TMEM178B: variants seen among roughly 807,000 people sequenced by gnomAD.
The protein encoded by TMEM178B is transmembrane protein 178B.
Under a neutral mutation model 31.0 loss-of-function variants are expected in TMEM178B, and 5 were observed. That is an observed-to-expected ratio of 0.16 (90% CI 0.08 to 0.34). The LOEUF (loss-of-function observed/expected upper bound fraction) is 0.34. Among genes scored for constraint, TMEM178B ranks in the 10% least tolerant of loss-of-function variants. TMEM178B has a pLI of 1.00. For synonymous variants in TMEM178B, 164 were observed against 164.0 expected (o/e 1.00, Z 0.00); for missense variants, 275 against 400.3 (o/e 0.69, Z 2.67).
intron 3 of TMEM178B, among the ~76,000 whole-genome samples, chr7:141,451,887 C>T (rs769364399): frequency 1.3e-5 from 2 of 152,144 alleles, no homozygotes; most frequent in Admixed American, 1.3e-4. Flanking sequence ...CGGAAGCTGG[C>T]TTCTTGGAGA....
chr7:141,475,484 TC>T lies in TMEM178B; in HGVS notation c.*4700del, dbSNP rs1802346697. ...AAAAAGACTACAAGATTTTTCATAA[TC>T]CAGTCACTCTGAGGCATCTACCGCG... is the stretch of plus-strand genomic sequence containing the variant. On this transcript the variant is annotated 3_prime_UTR_variant, in exon 4 of 4. Transcript: ENST00000565468. 1.3e-5 allele frequency: 2 copies of T among 152,318 alleles called. No homozygotes were observed. The highest frequency in any genetic ancestry group is 4.1e-4 in the South Asian group (2 of 4,824). The allele number at this position is 152,318 out of a possible 1,614,324, so 9.4% of individuals were successfully genotyped here.
intron 1 of TMEM178B, among the ~76,000 whole-genome samples, chr7:141,162,582 G>T (rs1018715886): frequency 1.3e-5 from 2 of 152,306 alleles, no homozygotes; most frequent in Non-Finnish European, 2.9e-5. Context: ...ATCTAATTTA[G>T]TTTCTTACCA....
intron 2 of TMEM178B, among the ~76,000 whole-genome samples, chr7:141,246,834 G>A (rs1797738834): frequency 6.6e-6 from 1 of 152,134 alleles, no homozygotes; most frequent in Admixed American, 6.5e-5. Context: ...TAGGGGCTAC[G>A]GGGCTGCTGT....
At chr7:141,435,232 AT>A (rs1288539977) in intron 2 of TMEM178B, among the ~76,000 whole-genome samples, 2 of 152,268 alleles carry the variant, frequency 1.3e-5, no homozygotes, top group African/African-American at 4.8e-5. Flanking sequence ...AAGTAAAAAA[AT>A]AAACTCAAAA....
chr7:141,502,751 CAAG>C, the TMEM178B span, among the ~76,000 whole-genome samples: 3 of 142,306 alleles, frequency 2.1e-5, no homozygotes, highest in Admixed American at 1.4e-4. Flanking sequence ...GCCTGGGCAA[CAAG>C]AGCGAAACTC....
Position 141,160,920 on chromosome 7 carries a change from C to T in TMEM178B, c.383-51671C>T, listed in dbSNP as rs1025731455. On this transcript the variant is annotated intron_variant, in intron 1 of 3. Coordinates refer to ENST00000565468, the MANE Select transcript of TMEM178B (RefSeq NM_001195278.2). The stretch of plus-strand genomic sequence containing the variant: ...TTGCCCAGGACGGAGTGCAATAGTG[C>T]GATCTTGGCTCACTGCAACTTCCAC... 9.9e-5 allele frequency among the ~76,000 whole-genome samples: 15 copies of T among 152,192 alleles called. No individual in the cohort carries two copies. The South Asian group carries it at 1.0e-3, about 11-fold the overall frequency.
chr7:141,293,595 G>T (rs1241943338), intron 2 of TMEM178B, among the ~76,000 whole-genome samples: 1 of 152,160 alleles, frequency 6.6e-6, no homozygotes, highest in Admixed American at 6.5e-5. Context: ...TTGAGACCAT[G>T]GGAGAGCTAA....
chr7:141,414,171 G>A (rs866480073), intron 2 of TMEM178B, among the ~76,000 whole-genome samples: 3 of 19,658 alleles, frequency 1.5e-4, no homozygotes, highest in South Asian at 3.5e-3. Flanking sequence ...TGCAAGCTCC[G>A]CCTCCCAGGT....
intron 2 of TMEM178B, among the ~76,000 whole-genome samples, chr7:141,250,089 C>T (rs1317742123): frequency 3.3e-5 from 5 of 151,546 alleles, no homozygotes; most frequent in African/African-American, 1.2e-4. Flanking sequence ...ATTTTTTTTT[C>T]TGAGCAGCTG....
chr7:141,313,486 G>C (rs1261902741), intron 2 of TMEM178B, among the ~76,000 whole-genome samples: 1 of 152,170 alleles, frequency 6.6e-6, no homozygotes, highest in African/African-American at 2.4e-5. Flanking sequence ...TCTAATCCAA[G>C]TGCCTCCTGC....
intron 1 of TMEM178B, among the ~76,000 whole-genome samples, chr7:141,137,019 C>T (rs1187544339): frequency 1.4e-4 from 21 of 152,016 alleles, no homozygotes; most frequent in Admixed American, 1.4e-3. Context: ...ATAATATCAC[C>T]CCAGTTAGAA....
intron 2 of TMEM178B, among the ~76,000 whole-genome samples, chr7:141,226,250 G>A (rs1797340231): frequency 6.6e-6 from 1 of 152,136 alleles, no homozygotes; most frequent in Admixed American, 6.5e-5. Context: ...GGAAGGAGCT[G>A]CTCTTCAGGT....
intron 1 of TMEM178B, among the ~76,000 whole-genome samples, chr7:141,116,040 C>T (rs17161916): frequency 0.23 from 35,399 of 152,130 alleles, 4,395 homozygotes; most frequent in South Asian, 0.46. Flanking sequence ...TTGCTCTTGG[C>T]AAATGAGTAT....
intron 2 of TMEM178B, among the ~76,000 whole-genome samples, chr7:141,253,164 G>A (rs113055068): frequency 0.017 from 2,658 of 152,286 alleles, 78 homozygotes; most frequent in African/African-American, 0.061. Flanking sequence ...CCCTCCCCTG[G>A]TTCCTCAGGC....
intron 2 of TMEM178B, among the ~76,000 whole-genome samples, chr7:141,377,930 A>G (rs1485601214): frequency 6.6e-6 from 1 of 152,202 alleles, no homozygotes; most frequent in Non-Finnish European, 1.5e-5. Flanking sequence ...TCAAACTAAG[A>G]AATTACCATT....
At chr7:141,244,794 G>A (rs533313984) in intron 2 of TMEM178B, among the ~76,000 whole-genome samples, 2 of 152,192 alleles carry the variant, frequency 1.3e-5, no homozygotes, top group East Asian at 3.9e-4. Context: ...GGTGTGAAGT[G>A]CACATAGGTT....
At chr7:141,440,393 C>T (rs958735418) in intron 3 of TMEM178B, among the ~76,000 whole-genome samples, 2 of 152,192 alleles carry the variant, frequency 1.3e-5, no homozygotes, top group South Asian at 4.1e-4. Context: ...AGTGGAACTT[C>T]TGGGGATGAT....
intron 2 of TMEM178B, among the ~76,000 whole-genome samples, chr7:141,279,639 C>T (rs1384883753): frequency 1.3e-5 from 2 of 152,198 alleles, no homozygotes; most frequent in African/African-American, 2.4e-5. Context: ...GACTCAGAGG[C>T]GTGCACTCCT....
chr7:141,392,369 G>A (rs1800558434), intron 2 of TMEM178B, among the ~76,000 whole-genome samples: 1 of 152,156 alleles, frequency 6.6e-6, no homozygotes, highest in Admixed American at 6.5e-5. Flanking sequence ...AGTGAACAGA[G>A]AAATCCATTA....
Sources: allele counts gnomAD v4.1 joint callset (sites outside exome capture counted in the v4.1 genomes callset), GRCh38; gene constraint gnomAD v4.1.1; transcripts MANE v1.5; gene names NCBI Gene and HGNC (gene_info 2026-07-23, HGNC 2026-07-21).